The following GBX1 variants were observed in gnomAD, a reference collection of about 807,000 sequenced individuals.
GBX1 encodes the protein gastrulation brain homeobox 1, also known as homeobox protein GBX-1.
GBX1 carries 9 observed loss-of-function variants against 22.9 expected under a neutral mutation model. The ratio of observed to expected loss-of-function variants is 0.39; its 90% confidence interval spans 0.24 to 0.69. GBX1 has a LOEUF of 0.69. Ranked by LOEUF, GBX1 falls within the 30% of genes least tolerant of loss-of-function variation. The probability of loss-of-function intolerance (pLI) is 0.43; values close to 1 mark genes in which losing one functional copy is unlikely to be tolerated. For missense variants in GBX1, 494 were observed against 509.2 expected, an observed-to-expected ratio of 0.97 and a Z score of 0.29; for synonymous variants, 203 against 227.3, an observed-to-expected ratio of 0.89 and a Z score of 0.96.
chr7:151,151,002 G>T (rs1801073560), intron 1 of GBX1, among the ~76,000 whole-genome samples: 1 of 152,190 alleles, frequency 6.6e-6, no homozygotes, highest in African/African-American at 2.4e-5. Flanking sequence ...AAAGTGCCAG[G>T]ATTACAGGTG....
At chr7:151,152,566 A>C (rs1279944422) in intron 1 of GBX1, among the ~76,000 whole-genome samples, 1 of 152,262 alleles carries the variant, frequency 6.6e-6, no homozygotes, top group East Asian at 1.9e-4. Flanking sequence ...CAATATGTTA[A>C]ACAGTGCTAA....
intron 1 of GBX1, among the ~76,000 whole-genome samples, chr7:151,162,831 G>A (rs1169977019): frequency 1.5e-5 from 2 of 136,634 alleles, no homozygotes; most frequent in African/African-American, 2.7e-5. Context: ...TTGAGATGGA[G>A]TTTTGCTCGT....
At chr7:151,165,751 A>G (rs1346907506) in intron 1 of GBX1, among the ~76,000 whole-genome samples, 1 of 152,248 alleles carries the variant, frequency 6.6e-6, no homozygotes, top group East Asian at 1.9e-4. Flanking sequence ...CGAAAGGAGA[A>G]AAGAATAGGA....
rs1851823853 is a variant in GBX1 at position 151,148,416 on chromosome 7, T to A, written c.*173A>T. On this transcript the variant is annotated 3_prime_UTR_variant, in exon 2 of 2. Transcript: ENST00000297537. This position sits in a 1 kb window ranked among gnomAD's most constrained non-coding sequence, Gnocchi z 5.1. ...ACAGGCTCAGGGCCAAGTGCTCACA[T>A]CTCAGGTTCTGGGAGGAGTCTGGGA... 6.6e-6 allele frequency among the ~76,000 whole-genome samples: 1 copy of A among 152,232 alleles called. No individual in the cohort carries two copies. Among genetic ancestry groups the A allele is most frequent in the East Asian group, 1.9e-4 (1 of 5,180 alleles).
At position 151,167,555 on chromosome 7, in the gene GBX1, C is replaced by G; in HGVS notation, c.-7G>C. ...CGCCTCCGGCCCGCTGCATCTTGTT[C>G]GGAGCTGCGGCCGCCCCGGGGCGCT... On this transcript the variant is annotated 5_prime_UTR_variant, in exon 1 of 2. Transcript: ENST00000297537. This position sits in a 1 kb window ranked among gnomAD's most constrained non-coding sequence, Gnocchi z 5.9. 1.4e-6 allele frequency: 2 copies of G among 1,424,224 alleles called. No individual in the cohort carries two copies. The highest frequency in any genetic ancestry group is 1.8e-6 in the Non-Finnish European group (2 of 1,101,878). The allele number at this position is 1,424,224 out of a possible 1,614,324, so 88.2% of individuals were successfully genotyped here.
At chr7:151,166,310 C>T (rs1368485017) in intron 1 of GBX1, among the ~76,000 whole-genome samples, 1 of 152,144 alleles carries the variant, frequency 6.6e-6, no homozygotes, top group Non-Finnish European at 1.5e-5. Flanking sequence ...CTTTGGGCCA[C>T]ACCCAACTCA....
rs768351965 is a variant in GBX1, at chr7:151,167,196, G to A, written c.353C>T (p.Pro118Leu). Residue 118 changes from proline to leucine, a missense_variant, in exon 1 of 2, where the codon CCC (proline) becomes CTC (leucine). Physicochemically the swap from Pro to Leu is moderately conservative, Grantham distance 98. This residue lies in a region of GBX1 where 365 missense variants were observed against 340.4 expected (regional missense o/e 1.07). Coordinates refer to ENST00000297537, the MANE Select transcript of GBX1 (RefSeq NM_001098834.3). This position sits in a 1 kb window ranked among gnomAD's most constrained non-coding sequence, Gnocchi z 5.9. ...GGCAGCGGCGGCGGCGAGCTCCTGG[G>A]GCCCGTAGAAAGCGTCGGGCGGCTC... Reference protein sequence around the residue: ...FAEPPDAFYGPQELAAAAAAA... With the variant: ...FAEPPDAFYGLQELAAAAAAA... 3.2e-6 allele frequency: 5 copies of A among 1,571,766 alleles called. No individual in the cohort carries two copies. In the South Asian group the frequency reaches 5.8e-5, roughly 18 times the overall value.
Position 151,167,575 on chromosome 7 carries a change from G to A in GBX1, c.-27C>T, listed in dbSNP as rs554826470. 6,864 of 1,397,526 alleles carry A rather than the reference G, an allele frequency of 4.9e-3. 12 individuals carry two copies. The highest frequency in any genetic ancestry group is 5.8e-3 in the Non-Finnish European group (6,262 of 1,087,164). The allele number at this position is 1,397,526 out of a possible 1,614,324, so 86.6% of individuals were successfully genotyped here. A position where few individuals can be genotyped will look rare whatever the true frequency, so the allele number is the denominator to read the frequency against. On this transcript the variant is annotated 5_prime_UTR_variant, in exon 1 of 2. Coordinates refer to ENST00000297537, the MANE Select transcript of GBX1 (RefSeq NM_001098834.3). The surrounding 1 kb of genome is among the most constrained non-coding windows in gnomAD (Gnocchi z 5.9). Reference sequence around the variant, plus strand: ...TTGTTCGGAGCTGCGGCCGCCCCGGGGCGCTCCTCTCTGGGCGCCTCCGTG... The same window carrying A: ...TTGTTCGGAGCTGCGGCCGCCCCGGAGCGCTCCTCTCTGGGCGCCTCCGTG...
intron 1 of GBX1, among the ~76,000 whole-genome samples, chr7:151,154,282 A>G (rs1317295099): frequency 2.0e-5 from 3 of 152,252 alleles, no homozygotes; most frequent in Non-Finnish European, 4.4e-5. Flanking sequence ...ATAAATAAGA[A>G]TTAAAAATGT....
At chr7:151,154,987 C>T (rs886894791) in intron 1 of GBX1, among the ~76,000 whole-genome samples, 2 of 152,192 alleles carry the variant, frequency 1.3e-5, no homozygotes, top group Admixed American at 1.3e-4. Flanking sequence ...CTTTATGCTC[C>T]CAACTACAGG....
chr7:151,148,320 C>A lies in GBX1; in HGVS notation c.*269G>T, dbSNP rs1325962099. ...CCCCTCCCCAGGAGTCCACCTCAGT[C>A]CCAACAGCTCCTCAGCAATAGAACC... is the stretch of plus-strand genomic sequence containing the variant. On this transcript the variant is annotated 3_prime_UTR_variant, in exon 2 of 2. Coordinates refer to ENST00000297537, the MANE Select transcript of GBX1 (RefSeq NM_001098834.3). The surrounding 1 kb of genome is among the most constrained non-coding windows in gnomAD (Gnocchi z 5.1). 6.6e-6 allele frequency among the ~76,000 whole-genome samples: 1 copy of A among 152,114 alleles called. No individual in the cohort carries two copies. The highest frequency in any genetic ancestry group is 1.5e-5 in the Non-Finnish European group (1 of 68,020).
At position 151,157,081 on chromosome 7, in the gene GBX1, A is replaced by G. The variant is rs79549409; in HGVS notation, c.539-7939T>C. ...GGGAGGCTGAGGCGGGCAGATCAGG[A>G]GGTCAGGAATTTAAGACCAGCCTGG... On this transcript the variant is annotated intron_variant, in intron 1 of 1. Transcript: ENST00000297537. Among the ~76,000 whole-genome samples, 2,069 of 151,176 alleles carry G rather than the reference A, an allele frequency of 0.014. 86 individuals carry two copies. The East Asian group carries it at 0.14, about 11-fold the overall frequency.
At chr7:151,156,984 C>CAAAAA (rs34479548) in intron 1 of GBX1, among the ~76,000 whole-genome samples, 2 of 50,100 alleles carry the variant, frequency 4.0e-5, no homozygotes, top group African/African-American at 7.0e-5. Flanking sequence ...GACTCTGTCT[C>CAAAAA]AAAAAAAAAA....
intron 1 of GBX1, among the ~76,000 whole-genome samples, chr7:151,159,440 C>T (rs1801169312): frequency 1.3e-5 from 2 of 152,142 alleles, no homozygotes; most frequent in African/African-American, 4.8e-5. Flanking sequence ...TGCAGTAGTG[C>T]AATCAAATCT....
At chr7:151,164,781 T>TTTC (rs1554475634) in intron 1 of GBX1, among the ~76,000 whole-genome samples, 1 of 144,968 alleles carries the variant, frequency 6.9e-6, no homozygotes, top group East Asian at 2.0e-4. Context: ...TCCCTCTTTT[T>TTTC]TTTTTTTTTT....
intron 1 of GBX1, among the ~76,000 whole-genome samples, chr7:151,151,458 A>G (rs1363692922): frequency 6.6e-6 from 1 of 152,074 alleles, no homozygotes; most frequent in Non-Finnish European, 1.5e-5. Flanking sequence ...TCATTTCATT[A>G]AGGTCTCTTC....
rs963825909 is a variant in GBX1 at position 151,148,226 on chromosome 7, C to T, written c.*363G>A. Among the ~76,000 whole-genome samples, 4 of 152,172 alleles carry T rather than the reference C, an allele frequency of 2.6e-5. No homozygotes were observed. Among genetic ancestry groups the T allele is most frequent in the Admixed American group, 2.0e-4 (3 of 15,282 alleles). On this transcript the variant is annotated 3_prime_UTR_variant, in exon 2 of 2. Coordinates refer to ENST00000297537, the MANE Select transcript of GBX1 (RefSeq NM_001098834.3). The surrounding 1 kb of genome is among the most constrained non-coding windows in gnomAD (Gnocchi z 5.1). ...CTTGGCTAGGTATCGCCTGTTCCCT[C>T]CACCCATCAGAAGCTGTTCCAGGGC...
intron 1 of GBX1, among the ~76,000 whole-genome samples, chr7:151,155,590 T>C (rs1242833306): frequency 2.0e-5 from 3 of 152,062 alleles, no homozygotes; most frequent in Non-Finnish European, 4.4e-5. Context: ...TTAGCATTCT[T>C]TACTCCAAGT....
chr7:151,158,725 A>T (rs1037285034), intron 1 of GBX1, among the ~76,000 whole-genome samples: 11 of 152,166 alleles, frequency 7.2e-5, no homozygotes, highest in African/African-American at 2.7e-4. Flanking sequence ...CCTTTTCAAT[A>T]CATAGAGTGT....
Sources: allele counts gnomAD v4.1 joint callset (sites outside exome capture counted in the v4.1 genomes callset), GRCh38; gene constraint gnomAD v4.1.1; regional missense constraint gnomAD v4.1.1; non-coding constraint Gnocchi (gnomAD v3.1); transcripts MANE v1.5; gene names NCBI Gene and HGNC (gene_info 2026-07-23, HGNC 2026-07-21).